Variants in PDE3B observed in about 807,000 individuals in gnomAD.
PDE3B encodes the protein cGMP-inhibited 3',5'-cyclic phosphodiesterase 3B.
PDE3B carries 66 observed loss-of-function variants against 116.8 expected under a neutral mutation model. That is an observed-to-expected ratio of 0.56 (90% CI 0.46 to 0.69). PDE3B has a LOEUF of 0.69. Ranked by LOEUF, PDE3B falls within the 30% of genes least tolerant of loss-of-function variation. The pLI, the probability that PDE3B is intolerant of heterozygous loss-of-function variation, is 0.00. For synonymous variants in PDE3B, 595 were observed against 533.6 expected (o/e 1.12, Z -1.59); for missense variants, 1,384 against 1,368.1 (o/e 1.01, Z -0.18).
intron 1 of PDE3B, among the ~76,000 whole-genome samples, chr11:14,666,783 C>A (rs1187697567): frequency 1.8e-4 from 28 of 152,206 alleles, no homozygotes; most frequent in Non-Finnish European, 1.2e-4. Context: ...GTCAGGAAAC[C>A]ACAGGTGCTG....
the PDE3B span, chr11:14,877,812 G>A: frequency 3.7e-6 from 1 of 268,976 alleles, no homozygotes; most frequent in Non-Finnish European, 7.0e-6. Flanking sequence ...AAGAAGGGAT[G>A]AAAGTACCTG....
chr11:14,763,060 C>T (rs976085720), intron 1 of PDE3B, among the ~76,000 whole-genome samples: 1 of 152,090 alleles, frequency 6.6e-6, no homozygotes, highest in Non-Finnish European at 1.5e-5. Context: ...TATTTACACC[C>T]ACAAAGCTAA....
the PDE3B span, among the ~76,000 whole-genome samples, chr11:14,883,012 C>T: frequency 1.8e-3 from 276 of 152,212 alleles, 1 homozygote; most frequent in African/African-American, 6.3e-3. Context: ...AACTACAAAC[C>T]ACTGCTCAAT....
intron 1 of PDE3B, among the ~76,000 whole-genome samples, chr11:14,741,769 T>C (rs1207705432): frequency 6.6e-6 from 1 of 152,160 alleles, no homozygotes; most frequent in African/African-American, 2.4e-5. Context: ...TAGGAGCTCT[T>C]GTAAGGCAGG....
At chr11:14,756,005 T>C (rs1207755146) in intron 1 of PDE3B, among the ~76,000 whole-genome samples, 1 of 152,180 alleles carries the variant, frequency 6.6e-6, no homozygotes, top group Non-Finnish European at 1.5e-5. Flanking sequence ...TAGATGATTA[T>C]TTACTCCAAC....
At chr11:14,868,750 T>C (rs1565172189) in intron 15 of PDE3B, among the ~76,000 whole-genome samples, 1 of 152,210 alleles carries the variant, frequency 6.6e-6, no homozygotes, top group Non-Finnish European at 1.5e-5. Flanking sequence ...TATTTAGGAT[T>C]AGCATGGCAA....
intron 1 of PDE3B, among the ~76,000 whole-genome samples, chr11:14,685,596 C>T (rs867571285): frequency 5.9e-5 from 9 of 151,728 alleles, no homozygotes; most frequent in African/African-American, 1.7e-4. Context: ...GCTGGGATTA[C>T]AGACGTGCAC....
chr11:14,762,603 G>A lies in PDE3B; in HGVS notation c.979-9334G>A, dbSNP rs545130082. On this transcript the variant is annotated intron_variant, in intron 1 of 15. Transcript: ENST00000282096. ...GTGTTGAACAAAGAAGTGACATTAT[G>A]TGACTTAAGCTTTAAGAGGGTTGCT... Among the ~76,000 whole-genome samples the A allele has an allele frequency of 9.8e-4, 149 of 152,294 alleles. 1 individual carries two copies. The highest frequency in any genetic ancestry group is 1.6e-3 in the Non-Finnish European group (112 of 68,022).
At chr11:14,854,518 A>ATTT (rs72059847) in intron 12 of PDE3B, among the ~76,000 whole-genome samples, 2 of 143,984 alleles carry the variant, frequency 1.4e-5, no homozygotes, top group Non-Finnish European at 3.1e-5. Context: ...GAAATCTAGA[A>ATTT]TTTTTTTTTT....
At chr11:14,650,964 T>C (rs778961280) in intron 1 of PDE3B, among the ~76,000 whole-genome samples, 2 of 151,978 alleles carry the variant, frequency 1.3e-5, no homozygotes, top group African/African-American at 2.4e-5. Context: ...TGTTATTTTA[T>C]GCCTTTGAAT....
At chr11:14,889,165 T>TC in the PDE3B span, among the ~76,000 whole-genome samples, 1 of 53,484 alleles carries the variant, frequency 1.9e-5, no homozygotes, top group East Asian at 1.4e-3. Context: ...AGTCCAGTTG[T>TC]TTTTTTTTTT....
intron 1 of PDE3B, among the ~76,000 whole-genome samples, chr11:14,738,862 CT>C (rs1489823854): frequency 1.3e-5 from 2 of 152,166 alleles, no homozygotes; most frequent in Admixed American, 1.3e-4. Context: ...ACAGGATATC[CT>C]TTCCCCATTG....
chr11:14,849,439 T>G (rs1366736095), intron 12 of PDE3B, among the ~76,000 whole-genome samples: 1 of 152,198 alleles, frequency 6.6e-6, no homozygotes, highest in East Asian at 1.9e-4. Flanking sequence ...AAGGACTTCA[T>G]GTCTAAAACA....
the PDE3B span, chr11:14,890,409 T>C: frequency 1.1e-6 from 1 of 949,864 alleles, no homozygotes; most frequent in African/African-American, 1.8e-5. Context: ...GGTTGGAAAA[T>C]AAGATCTAAG....
chr11:14,686,025 T>A (rs1429540591), intron 1 of PDE3B, among the ~76,000 whole-genome samples: 1 of 152,194 alleles, frequency 6.6e-6, no homozygotes, highest in Non-Finnish European at 1.5e-5. Flanking sequence ...TTCACCAATA[T>A]CTACTTCCAG....
the PDE3B span, chr11:14,880,614 A>T: frequency 1.2e-6 from 2 of 1,610,164 alleles, no homozygotes; most frequent in Non-Finnish European, 1.7e-6. Context: ...CAAAAGGTCT[A>T]CCTTTGTATG....
At chr11:14,820,971 A>G (rs550567298) in intron 7 of PDE3B, among the ~76,000 whole-genome samples, 1 of 152,348 alleles carries the variant, frequency 6.6e-6, no homozygotes, top group South Asian at 2.1e-4. Context: ...TATACTCAAT[A>G]AAGTTTTTAA....
rs775277574 is a variant in PDE3B, at chr11:14,789,220, C to T, written c.1393C>T (p.His465Tyr). 1.2e-6 allele frequency: 2 copies of T among 1,605,398 alleles called. No homozygotes were observed. Among genetic ancestry groups the T allele is most frequent in the Non-Finnish European group, 8.5e-7 (1 of 1,176,038 alleles). The change falls in exon 4 of 16, where the codon CAC (histidine) becomes TAC (tyrosine). Residue 465 changes from histidine (H) to tyrosine (Y), a missense_variant. By Grantham distance (83) the His-to-Tyr change is moderately conservative. Around this residue, in one of 2 missense-constraint regions of PDE3B, gnomAD observed 956 missense variants for 806.8 expected, o/e 1.18. Transcript: ENST00000282096. ...GGATCGTAATAATGGCAAAAGACCT[C>T]ACCAAGAATTTGGCATTTCAAGGTA... Reference protein sequence around the residue: ...RWDRNNGKRPHQEFGISSQGC... With the variant: ...RWDRNNGKRPYQEFGISSQGC...
At chr11:14,664,045 G>T (rs1192233484) in intron 1 of PDE3B, among the ~76,000 whole-genome samples, 1 of 151,966 alleles carries the variant, frequency 6.6e-6, no homozygotes, top group South Asian at 2.1e-4. Context: ...ATGTAAACAA[G>T]CAGAAATTAT....
Sources: allele counts gnomAD v4.1 joint callset (sites outside exome capture counted in the v4.1 genomes callset), GRCh38; gene constraint gnomAD v4.1.1; regional missense constraint gnomAD v4.1.1; transcripts MANE v1.5; gene names NCBI Gene and HGNC (gene_info 2026-07-23, HGNC 2026-07-21).